Variants in TAF4 observed in about 807,000 individuals in gnomAD.
TAF4 encodes the protein transcription initiation factor TFIID subunit 4.
TAF4 carries 9 observed loss-of-function variants against 90.3 expected under a neutral mutation model. The ratio of observed to expected loss-of-function variants is 0.10; its 90% CI spans 0.06 to 0.17. The LOEUF (loss-of-function observed/expected upper bound fraction) is 0.17, where lower values mean the gene tolerates loss of function less well. Ranked by LOEUF, TAF4 falls within the 10% of genes least tolerant of loss-of-function variation. The probability of loss-of-function intolerance (pLI) is 1.00; values close to 1 mark genes in which losing one functional copy is unlikely to be tolerated. For missense variants in TAF4, 1,351 were observed against 1,370.7 expected, an observed-to-expected ratio of 0.99 and a Z score of 0.23; for synonymous variants, 818 against 638.9, an observed-to-expected ratio of 1.28 and a Z score of -4.23.
intron 1 of TAF4, among the ~76,000 whole-genome samples, chr20:62,033,669 A>G (rs942637908): frequency 6.6e-5 from 10 of 151,546 alleles, no homozygotes; most frequent in African/African-American, 2.2e-4. Context: ...CCCGGGAGGC[A>G]GAGGTTGCAG....
chr20:61,976,255 C>A lies in TAF4; in HGVS notation c.3171G>T (p.Arg1057=), dbSNP rs151249150. The part of the protein sequence containing the change: ...PRQFTRQRIT[R]VNLRDLIFCL... ...AAAATATGAGGTCCCTGAGGTTGAC[C>A]CGCGTGATTCTTTGTCGCGTGAACT... is the stretch of plus-strand genomic sequence containing the variant. The change falls in exon 15 of 15, where the codon CGG becomes CGT. Residue 1057 remains arginine, a synonymous_variant. Coordinates refer to ENST00000252996, the MANE Select transcript of TAF4 (RefSeq NM_003185.4). The A allele has an allele frequency of 1.9e-6, 3 of 1,613,884 alleles. No homozygotes were observed. Among genetic ancestry groups the A allele is most frequent in the Non-Finnish European group, 2.5e-6 (3 of 1,180,050 alleles).
In TAF4 at chr20:62,065,648, C is replaced by A; in HGVS notation, c.163G>T (p.Ala55Ser). The change falls in exon 1 of 15, where the codon GCC becomes TCC. Residue 55 changes from alanine to serine, a missense_variant. Ala to Ser is a moderately conservative substitution (Grantham distance 99). Coordinates refer to ENST00000252996, the MANE Select transcript of TAF4 (RefSeq NM_003185.4). Reference protein sequence around the residue: ...PRTPEVRAAAAGALGNHVVSG... With the variant: ...PRTPEVRAAASGALGNHVVSG... ...ACAACATGGTTCCCGAGCGCGCCGG[C>A]GGCCGCGGCCCGCACCTCGGGCGTG... is the stretch of plus-strand genomic sequence containing the variant. 9.5e-7 allele frequency: 1 copy of A among 1,055,482 alleles called. No individual in the cohort carries two copies. Among genetic ancestry groups the A allele is most frequent in the Non-Finnish European group, 1.1e-6 (1 of 877,910 alleles). The allele number at this position is 1,055,482 out of a possible 1,614,324, so 65.4% of individuals were successfully genotyped here.
chr20:62,008,666 C>T (rs28382072), intron 5 of TAF4, among the ~76,000 whole-genome samples: 2 of 151,944 alleles, frequency 1.3e-5, no homozygotes, highest in Non-Finnish European at 2.9e-5. Context: ...GCCGGGACTG[C>T]GGACACCTGG....
chr20:61,983,292 CA>C (rs60160264), intron 14 of TAF4, among the ~76,000 whole-genome samples: 3,859 of 104,674 alleles, frequency 0.037, 93 homozygotes, highest in African/African-American at 0.11. Flanking sequence ...TTCCTAAATA[CA>C]AAAAAAAAAA....
At chr20:62,009,007 C>A in intron 5 of TAF4, 45 bp downstream of exon 5, 2 of 1,597,198 alleles carry the variant, frequency 1.3e-6, no homozygotes, top group Non-Finnish European at 1.7e-6. Context: ...CTGTCCTATG[C>A]AACAGGCTTT....
rs140900709 is a variant in TAF4, at chr20:62,001,875, A to G, written c.2487-1154T>C. 2.0e-4 allele frequency among the ~76,000 whole-genome samples: 31 copies of G among 152,234 alleles called. 1 individual carries two copies. Among genetic ancestry groups the G allele is most frequent in the African/African-American group, 7.5e-4 (31 of 41,514 alleles). Reference sequence around the variant, plus strand: ...TTCTCTCAGGAGTCCTTGTCATTTTAGTGGAAAACGGTTTTTAGAAGACAA... The same window carrying G: ...TTCTCTCAGGAGTCCTTGTCATTTTGGTGGAAAACGGTTTTTAGAAGACAA... On this transcript the variant is annotated intron_variant, in intron 9 of 14. Transcript: ENST00000252996.
chr20:61,976,085 GT>G lies in TAF4; in HGVS notation c.*82del. The G allele has an allele frequency of 6.7e-7, 1 of 1,491,164 alleles. No individual in the cohort carries two copies. The highest frequency in any genetic ancestry group is 9.3e-7 in the Non-Finnish European group (1 of 1,078,774). The allele number at this position is 1,491,164 out of a possible 1,614,324, so 92.4% of individuals were successfully genotyped here. A position where few individuals can be genotyped will look rare whatever the true frequency, so the allele number is the denominator to read the frequency against. ...ACTGTTCCATTGTAAAGAGGTGGCT[GT>G]TTTTTAAACAATATCCCATTTGCTC... On this transcript the variant is annotated 3_prime_UTR_variant, in exon 15 of 15. Coordinates refer to ENST00000252996, the MANE Select transcript of TAF4 (RefSeq NM_003185.4).
intron 1 of TAF4, among the ~76,000 whole-genome samples, chr20:62,064,070 G>A (rs1000228566): frequency 6.6e-6 from 1 of 152,248 alleles, no homozygotes; most frequent in Non-Finnish European, 1.5e-5. Flanking sequence ...CAGCTCTGCA[G>A]ACCCCATCGC....
At chr20:62,024,225 CTG>C (rs2145487358) in intron 1 of TAF4, among the ~76,000 whole-genome samples, 1 of 152,302 alleles carries the variant, frequency 6.6e-6, no homozygotes, top group East Asian at 1.9e-4. Context: ...GCTGGAACAA[CTG>C]GACAGACACA....
chr20:62,051,189 C>G (rs2056025229), intron 1 of TAF4, among the ~76,000 whole-genome samples: 1 of 152,196 alleles, frequency 6.6e-6, no homozygotes, highest in African/African-American at 2.4e-5. Context: ...AAGAAGGGAC[C>G]AAGTCCCCTG....
Position 62,006,812 on chromosome 20 carries a change from C to G in TAF4, c.1975-54G>C. ...AGGCGGCTGCTCATGCGTCGGTTTT[C>G]CTTGCTTAAAAATTCAGAAATATCA... On this transcript the variant is annotated intron_variant, in intron 6 of 14. Transcript: ENST00000252996. This position sits in a 1 kb window ranked among gnomAD's most constrained non-coding sequence, Gnocchi z 7.0. The G allele has an allele frequency of 7.1e-7, 1 of 1,410,902 alleles. No homozygotes were observed. The highest frequency in any genetic ancestry group is 9.3e-7 in the Non-Finnish European group (1 of 1,071,782). The allele number at this position is 1,410,902 out of a possible 1,614,324, so 87.4% of individuals were successfully genotyped here.
intron 6 of TAF4, 62 bp downstream of exon 6, chr20:62,007,485 G>C (rs1264092673): frequency 1.9e-5 from 28 of 1,512,712 alleles, no homozygotes; most frequent in African/African-American, 5.5e-5. Flanking sequence ...CACACTTGGT[G>C]CATCTGCGCC....
At chr20:62,064,220 G>C in intron 1 of TAF4, 1 of 422,706 alleles carries the variant, frequency 2.4e-6, no homozygotes, top group Non-Finnish European at 4.0e-6. Context: ...CAGCCAGCGC[G>C]GACGTCAGGG....
chr20:61,977,654 C>T (rs996770413), intron 14 of TAF4, among the ~76,000 whole-genome samples: 10 of 152,180 alleles, frequency 6.6e-5, no homozygotes, highest in Admixed American at 1.3e-4. Context: ...TCCGTTCAGA[C>T]GCCCTGCGCT....
chr20:62,054,313 T>C (rs748804239), intron 1 of TAF4, among the ~76,000 whole-genome samples: 4 of 152,118 alleles, frequency 2.6e-5, no homozygotes, highest in Non-Finnish European at 4.4e-5. Flanking sequence ...AGCCTCAGCG[T>C]CTCTGTGGAA....
At chr20:62,056,054 A>G (rs1443005577) in intron 1 of TAF4, among the ~76,000 whole-genome samples, 1 of 152,118 alleles carries the variant, frequency 6.6e-6, no homozygotes, top group African/African-American at 2.4e-5. Context: ...CTGGCCAACA[A>G]GGTGAAACCC....
At chr20:61,986,920 C>T (rs1198259253) in intron 14 of TAF4, among the ~76,000 whole-genome samples, 1 of 152,252 alleles carries the variant, frequency 6.6e-6, no homozygotes, top group Non-Finnish European at 1.5e-5. Context: ...CCACTGGCAG[C>T]GTCCTTGCGA....
rs145257445 is a variant in TAF4 at position 61,993,055 on chromosome 20, G to A, written c.3090+4495C>T. 3.1e-3 allele frequency among the ~76,000 whole-genome samples: 474 copies of A among 152,258 alleles called. 2 individuals are homozygous for A. The highest frequency in any genetic ancestry group is 6.8e-3 in the Middle Eastern group (2 of 294). ...GATATATGGAAGAAAACATGCTCGC[G>A]TTTACCCTGCGTCTCCTCTATGAGC... On this transcript the variant is annotated intron_variant, in intron 14 of 14. Transcript: ENST00000252996.
intron 2 of TAF4, among the ~76,000 whole-genome samples, chr20:62,013,668 T>C (rs2055792668): frequency 2.0e-5 from 3 of 152,188 alleles, no homozygotes; most frequent in Admixed American, 1.3e-4. Flanking sequence ...ATCAAGTCAT[T>C]CCAGTCTTCA....
Sources: allele counts gnomAD v4.1 joint callset (sites outside exome capture counted in the v4.1 genomes callset), GRCh38; gene constraint gnomAD v4.1.1; non-coding constraint Gnocchi (gnomAD v3.1); transcripts MANE v1.5; gene names NCBI Gene and HGNC (gene_info 2026-07-23, HGNC 2026-07-21).